Variants in TENM1 observed in about 807,000 individuals in gnomAD.
TENM1 encodes the protein teneurin transmembrane protein 1.
TENM1 carries 35 observed loss-of-function variants against 174.8 expected under a neutral mutation model. That is an observed-to-expected ratio of 0.20 (90% CI 0.15 to 0.27). TENM1 has a LOEUF of 0.27. TENM1 is among the 10% of genes least tolerant of loss of function. The pLI, the probability that TENM1 is intolerant of heterozygous loss-of-function variation, is 1.00. For missense variants in TENM1, 1,633 were observed against 2,130.1 expected, an observed-to-expected ratio of 0.77 and a Z score of 4.59; for synonymous variants, 781 against 798.7, an observed-to-expected ratio of 0.98 and a Z score of 0.37.
chrX:125,167,536 T>A, the TENM1 span, among the ~76,000 whole-genome samples: 4 of 111,359 alleles, frequency 3.6e-5, no homozygotes. Context: ...TTTTCTATAT[T>A]ATTTTTTTCC....
intron 11 of TENM1, among the ~76,000 whole-genome samples, chrX:124,580,077 G>C (rs2049264466): frequency 9.0e-6 from 1 of 111,453 alleles, no homozygotes; most frequent in Non-Finnish European, 1.9e-5. Context: ...CTGCATGCTA[G>C]GTGCTAATGT....
At chrX:125,010,131 T>A in the TENM1 span, among the ~76,000 whole-genome samples, 1 of 111,353 alleles carries the variant, frequency 9.0e-6, no homozygotes, top group South Asian at 3.8e-4. Flanking sequence ...AAAAACCCCA[T>A]CATCTCAGCT....
chrX:125,037,928 A>C, the TENM1 span, among the ~76,000 whole-genome samples: 1 of 111,556 alleles, frequency 9.0e-6, no homozygotes, highest in East Asian at 2.8e-4. Context: ...GTGGGAAAGA[A>C]CTTTATCTGT....
intron 11 of TENM1, among the ~76,000 whole-genome samples, chrX:124,604,227 A>G (rs1177480266): frequency 9.0e-6 from 1 of 111,629 alleles, no homozygotes; most frequent in Non-Finnish European, 1.9e-5. Context: ...CTCAGCTGTC[A>G]TAGGAAACCC....
intron 11 of TENM1, among the ~76,000 whole-genome samples, chrX:124,570,803 A>G (rs1449264250): frequency 8.9e-6 from 1 of 111,734 alleles, no homozygotes; most frequent in Non-Finnish European, 1.9e-5. Context: ...AACACCCCAT[A>G]GCAAACACCA....
At chrX:125,099,019 A>G in the TENM1 span, among the ~76,000 whole-genome samples, 1 of 112,247 alleles carries the variant, frequency 8.9e-6, no homozygotes, top group Non-Finnish European at 1.9e-5. Context: ...AAGGACATAA[A>G]CGTTTATTTC....
chrX:125,185,136 G>A, the TENM1 span, among the ~76,000 whole-genome samples: 1 of 112,077 alleles, frequency 8.9e-6, no homozygotes, highest in African/African-American at 3.2e-5. Flanking sequence ...CAATACCTGT[G>A]TAAATACAAA....
chrX:124,556,670 C>G (rs1026416957), intron 14 of TENM1, among the ~76,000 whole-genome samples: 13 of 110,391 alleles, frequency 1.2e-4, no homozygotes, highest in Non-Finnish European at 2.1e-4. Flanking sequence ...GTTTCCTAAT[C>G]TTAAAAAATC....
upstream of TENM1, among the ~76,000 whole-genome samples, chrX:124,967,147 C>A (rs2058737380): frequency 9.0e-6 from 1 of 111,669 alleles, no homozygotes; most frequent in Admixed American, 9.5e-5. Flanking sequence ...TCACCACAAC[C>A]ATTGAAATTC....
At chrX:125,089,435 T>C in the TENM1 span, among the ~76,000 whole-genome samples, 4 of 112,018 alleles carry the variant, frequency 3.6e-5, no homozygotes, top group Non-Finnish European at 5.6e-5. Context: ...GTAGTTGATA[T>C]ATGAGAAGAT....
chrX:124,871,194 T>G (rs1365303128), intron 3 of TENM1, among the ~76,000 whole-genome samples: 1 of 111,747 alleles, frequency 8.9e-6, no homozygotes, highest in Admixed American at 9.6e-5. Flanking sequence ...ACTATTCCAC[T>G]TTCTACTTCT....
the TENM1 span, among the ~76,000 whole-genome samples, chrX:124,982,270 GA>G: frequency 0.1 from 1,072 of 10,510 alleles, 51 homozygotes; most frequent in African/African-American, 0.18. Flanking sequence ...AAGAAAATGT[GA>G]AAAAAAAAAA....
In TENM1 at chrX:124,904,107, T is replaced by C. The variant is rs112037316; in HGVS notation, c.218-7866A>G. On this transcript the variant is annotated intron_variant, in intron 1 of 31. Transcript: ENST00000422452. ...TGTCTGAAATTTTAAACTACATCAA[T>C]CTGCTGCACAATTCTATCTAGAGAA... Among the ~76,000 whole-genome samples, 1,085 of 111,217 alleles carry C rather than the reference T, an allele frequency of 9.8e-3. 17 individuals carry two copies. The highest frequency in any genetic ancestry group is 0.034 in the African/African-American group (1,047 of 30,611).
At chrX:124,576,924 C>G (rs1335265632) in intron 11 of TENM1, among the ~76,000 whole-genome samples, 1 of 111,741 alleles carries the variant, frequency 8.9e-6, no homozygotes, top group East Asian at 2.8e-4. Context: ...CAATAAGCCT[C>G]CCAACTTAGC....
chrX:124,513,049 T>G (rs2047618839), intron 18 of TENM1, among the ~76,000 whole-genome samples: 1 of 111,754 alleles, frequency 8.9e-6, no homozygotes, highest in Admixed American at 9.5e-5. Flanking sequence ...TTCCAATGTC[T>G]GCTGTAACAA....
chrX:125,038,690 C>G, the TENM1 span, among the ~76,000 whole-genome samples: 1 of 110,941 alleles, frequency 9.0e-6, no homozygotes, highest in East Asian at 2.8e-4. Context: ...GTAAGTTGGC[C>G]TATAAATCTG....
At chrX:125,162,942 C>T in the TENM1 span, among the ~76,000 whole-genome samples, 2 of 111,335 alleles carry the variant, frequency 1.8e-5, no homozygotes, top group East Asian at 2.8e-4. Context: ...CCCACACTCT[C>T]AGTCACCCAA....
chrX:124,709,537 A>T (rs1234554272), intron 4 of TENM1, among the ~76,000 whole-genome samples: 2 of 109,314 alleles, frequency 1.8e-5, no homozygotes, highest in East Asian at 5.7e-4. Context: ...GACCCGCAGA[A>T]ATCATCTAGT....
chrX:124,865,672 A>G (rs1355119624), intron 3 of TENM1, among the ~76,000 whole-genome samples: 1 of 111,791 alleles, frequency 8.9e-6, no homozygotes, highest in Non-Finnish European at 1.9e-5. Context: ...CTTATCAATA[A>G]TAACTGAATG....
Sources: gnomAD v4.1 joint callset for allele counts (sites outside exome capture counted in the v4.1 genomes callset) on GRCh38, gnomAD v4.1.1 for gene constraint, MANE v1.5 for transcripts, NCBI Gene and HGNC (gene_info 2026-07-23, HGNC 2026-07-21) for gene names.